RAB5C: variants seen among roughly 807,000 people sequenced by gnomAD.
RAB5C encodes the protein RAB5C, member RAS oncogene family.
RAB5C carries 4 observed loss-of-function variants against 25.2 expected under a neutral mutation model. The ratio of observed to expected loss-of-function variants is 0.16; its 90% CI spans 0.08 to 0.36. The LOEUF (loss-of-function observed/expected upper bound fraction) is 0.36, where lower values mean the gene tolerates loss of function less well. Ranked by LOEUF, RAB5C falls within the 10% of genes least tolerant of loss-of-function variation. The pLI is 1.00. For synonymous variants in RAB5C, 100 were observed against 106.4 expected (o/e 0.94, Z 0.37); for missense variants, 199 against 283.8 (o/e 0.70, Z 2.15).
intron 3 of RAB5C, 121 bp downstream of exon 3, chr17:42,128,528 T>A: frequency 7.9e-7 from 1 of 1,267,506 alleles, no homozygotes; most frequent in African/African-American, 1.5e-5. Context: ...AAACAGGAAA[T>A]CTGCCCACCC....
chr17:42,147,648 T>C (rs1017418574), intron 1 of RAB5C, among the ~76,000 whole-genome samples: 7 of 152,240 alleles, frequency 4.6e-5, no homozygotes, highest in Admixed American at 2.0e-4. Context: ...ATTGATCCTA[T>C]TGACCTGTTT....
intron 1 of RAB5C, among the ~76,000 whole-genome samples, chr17:42,151,895 C>T (rs1440601099): frequency 6.6e-6 from 1 of 152,038 alleles, no homozygotes. Context: ...ATGAGGAGGG[C>T]TAAAGAGTTA....
chr17:42,143,536 T>C (rs565099574), intron 1 of RAB5C, among the ~76,000 whole-genome samples: 5 of 151,828 alleles, frequency 3.3e-5, no homozygotes, highest in Non-Finnish European at 7.4e-5. Context: ...ACTCAGGAGG[T>C]TGAGGCACAA....
At chr17:42,141,903 C>A (rs2079605213) in intron 1 of RAB5C, among the ~76,000 whole-genome samples, 1 of 152,158 alleles carries the variant, frequency 6.6e-6, no homozygotes, top group South Asian at 2.1e-4. Context: ...CTCCTCACTT[C>A]ATCTGTCAGA....
chr17:42,143,968 T>C (rs1287301064), intron 1 of RAB5C, among the ~76,000 whole-genome samples: 1 of 151,848 alleles, frequency 6.6e-6, no homozygotes, highest in Admixed American at 6.6e-5. Flanking sequence ...GTATTTTTAG[T>C]AGAGATAGGG....
intron 1 of RAB5C, among the ~76,000 whole-genome samples, chr17:42,147,059 AAAGAAAGAAAGAAAAAG>A (rs2079640423): frequency 6.6e-6 from 1 of 150,880 alleles, no homozygotes; most frequent in African/African-American, 2.5e-5. Flanking sequence ...ACAGAAAAAG[AAAGAAAGAAAGAAAAAG>A]AAAGAAAGAA....
intron 1 of RAB5C, among the ~76,000 whole-genome samples, chr17:42,143,592 G>A (rs1397072551): frequency 1.3e-5 from 2 of 152,128 alleles, no homozygotes; most frequent in Non-Finnish European, 2.9e-5. Flanking sequence ...AGCTGAGATC[G>A]TGCAGCTGCA....
chr17:42,137,691 A>T (rs1201291079), intron 1 of RAB5C: 1 of 152,198 alleles, frequency 6.6e-6, no homozygotes, highest in Non-Finnish European at 1.5e-5. Context: ...GATCGACACC[A>T]TCCCGGCCAA....
intron 1 of RAB5C, among the ~76,000 whole-genome samples, chr17:42,144,947 A>G (rs1466515811): frequency 3.1e-5 from 1 of 32,646 alleles, no homozygotes; most frequent in African/African-American, 4.2e-4. Context: ...AAAAAAAAAA[A>G]AAAAAAAAAA....
chr17:42,146,864 A>G (rs1308197158), intron 1 of RAB5C, among the ~76,000 whole-genome samples: 2 of 146,550 alleles, frequency 1.4e-5, no homozygotes, highest in African/African-American at 5.1e-5. Flanking sequence ...AAATTAGCCA[A>G]GCGTGGTGGC....
Position 42,125,156 on chromosome 17 carries a change from G to C in RAB5C, c.*627C>G, listed in dbSNP as rs1373915852. The C allele has an allele frequency of 6.7e-6, 1 of 148,260 alleles. No individual in the cohort carries two copies. The highest frequency in any genetic ancestry group is 1.5e-5 in the Non-Finnish European group (1 of 67,056). The allele number at this position is 148,260 out of a possible 1,614,324, so 9.2% of individuals were successfully genotyped here. A position where few individuals can be genotyped will look rare whatever the true frequency, so the allele number is the denominator to read the frequency against. ...GGTCAGAACAGGGCTCAGAGCCAGA[G>C]GTTGGGGTGACCGAGGGTGGAGGGG... On this transcript the variant is annotated 3_prime_UTR_variant, in exon 6 of 6. Coordinates refer to ENST00000346213, the MANE Select transcript of RAB5C (RefSeq NM_004583.4).
chr17:42,129,791 G>C (rs551436862), intron 2 of RAB5C, among the ~76,000 whole-genome samples: 1 of 152,222 alleles, frequency 6.6e-6, no homozygotes, highest in Non-Finnish European at 1.5e-5. Context: ...GCCTCTTGAT[G>C]TGTGTGTTAG....
chr17:42,142,932 G>T (rs1449974292), intron 1 of RAB5C, among the ~76,000 whole-genome samples: 1 of 152,212 alleles, frequency 6.6e-6, no homozygotes, highest in Non-Finnish European at 1.5e-5. Flanking sequence ...GTCCAGGAAG[G>T]TTTAGCTGGA....
At chr17:42,127,969 G>T (rs2054445171) in intron 4 of RAB5C, among the ~76,000 whole-genome samples, 1 of 151,706 alleles carries the variant, frequency 6.6e-6, no homozygotes, top group Admixed American at 6.6e-5. Flanking sequence ...ACAGGTGCGT[G>T]CCACCAAGCC....
chr17:42,143,622 G>C (rs541989817), intron 1 of RAB5C, among the ~76,000 whole-genome samples: 2,119 of 152,246 alleles, frequency 0.014, 29 homozygotes, highest in African/African-American at 0.042. Context: ...GGGGGACAGA[G>C]TGAGTCTGTC....
rs2054406866 is a variant in RAB5C, at chr17:42,125,308, CCCTT to C, written c.*471_*474del. The C allele has an allele frequency of 6.5e-6, 1 of 153,050 alleles. No homozygotes were observed. The highest frequency in any genetic ancestry group is 6.5e-5 in the Admixed American group (1 of 15,340). The allele number at this position is 153,050 out of a possible 1,614,324, so 9.5% of individuals were successfully genotyped here. ...GCCAGCTGAAGGAAGAGCTGCCTCT[CCCTT>C]CCTAAGCCCCTTCCCAAGGTCTGCC... On this transcript the variant is annotated 3_prime_UTR_variant, in exon 6 of 6. Transcript: ENST00000346213.
At chr17:42,146,178 G>A (rs1298853389) in intron 1 of RAB5C, among the ~76,000 whole-genome samples, 1 of 152,120 alleles carries the variant, frequency 6.6e-6, no homozygotes, top group African/African-American at 2.4e-5. Context: ...AAAAGTCTGA[G>A]AAACTGGCAC....
intron 1 of RAB5C, among the ~76,000 whole-genome samples, chr17:42,143,928 A>G (rs764797822): frequency 6.6e-6 from 1 of 151,886 alleles, no homozygotes; most frequent in Non-Finnish European, 1.5e-5. Context: ...TAGGATTACA[A>G]GCGTGCACCA....
intron 1 of RAB5C, among the ~76,000 whole-genome samples, chr17:42,136,038 G>A (rs551949765): frequency 3.3e-5 from 5 of 152,058 alleles, no homozygotes; most frequent in Admixed American, 2.6e-4. Context: ...ATTTTACCCC[G>A]GAAAAGGGCA....
Sources: allele counts gnomAD v4.1 joint callset (sites outside exome capture counted in the v4.1 genomes callset), GRCh38; gene constraint gnomAD v4.1.1; transcripts MANE v1.5; gene names NCBI Gene and HGNC (gene_info 2026-07-23, HGNC 2026-07-21).